Variants in TCERG1L observed in about 807,000 individuals in gnomAD.
TCERG1L encodes transcription elongation regulator 1 like.
Under a neutral mutation model 56.3 loss-of-function variants are expected in TCERG1L, and 37 were observed. The ratio of observed to expected loss-of-function variants is 0.66; its 90% CI spans 0.51 to 0.87. The LOEUF is 0.87. Ranked by LOEUF, TCERG1L falls within the 40% of genes least tolerant of loss-of-function variation. The pLI is 0.00. For missense variants in TCERG1L, 799 were observed against 774.2 expected (o/e 1.03, Z -0.38); for synonymous variants, 324 against 326.3 (o/e 0.99, Z 0.08).
chr10:131,285,477 A>G (rs865948416), intron 3 of TCERG1L, among the ~76,000 whole-genome samples: 2,785 of 19,928 alleles, frequency 0.14, 95 homozygotes, highest in African/African-American at 0.16. Context: ...AGAAAGAAAG[A>G]AAGAAAGAAA....
Position 131,103,092 on chromosome 10 carries a change from C to T in TCERG1L, c.1485+1173G>A, listed in dbSNP as rs1341516467. Among the ~76,000 whole-genome samples the T allele has an allele frequency of 6.6e-6, 1 of 151,828 alleles. No homozygotes were observed. The highest frequency in any genetic ancestry group is 1.5e-5 in the Non-Finnish European group (1 of 68,008). On this transcript the variant is annotated intron_variant, in intron 10 of 11. Transcript: ENST00000368642. This position sits in a 1 kb window ranked among gnomAD's most constrained non-coding sequence, Gnocchi z 4.3. Reference sequence around the variant, plus strand: ...TGCTGCTAGTGTTCTCTGGACCACTCCTATTTCATCACTATTATTGTCAAC... The same window carrying T: ...TGCTGCTAGTGTTCTCTGGACCACTTCTATTTCATCACTATTATTGTCAAC...
chr10:131,120,229 A>G (rs1396073390), intron 8 of TCERG1L, among the ~76,000 whole-genome samples: 1 of 152,126 alleles, frequency 6.6e-6, no homozygotes, highest in Non-Finnish European at 1.5e-5. Flanking sequence ...TGTAAAGCTG[A>G]GGTTTTCTGA....
chr10:131,187,876 G>T (rs943291103), intron 4 of TCERG1L, among the ~76,000 whole-genome samples: 1 of 152,210 alleles, frequency 6.6e-6, no homozygotes, highest in Non-Finnish European at 1.5e-5. Context: ...CTGCAGAGGG[G>T]AGGGCTCCAT....
intron 4 of TCERG1L, among the ~76,000 whole-genome samples, chr10:131,245,328 G>T (rs1246325169): frequency 7.2e-5 from 11 of 152,196 alleles, no homozygotes; most frequent in Admixed American, 5.9e-4. Flanking sequence ...TACCTCTTTG[G>T]GGTTCTCTGA....
At chr10:131,216,962 T>A (rs1285542790) in intron 4 of TCERG1L, among the ~76,000 whole-genome samples, 1 of 152,168 alleles carries the variant, frequency 6.6e-6, no homozygotes, top group African/African-American at 2.4e-5. Context: ...TGGCCATGGC[T>A]CATCCCTTCT....
At chr10:131,207,387 G>A (rs1311298799) in intron 4 of TCERG1L, among the ~76,000 whole-genome samples, 1 of 152,182 alleles carries the variant, frequency 6.6e-6, no homozygotes, top group Non-Finnish European at 1.5e-5. Flanking sequence ...GAGGGAGCCT[G>A]CAGGGCCGGC....
At chr10:131,257,002 A>AAGGG (rs56047842) in intron 4 of TCERG1L, among the ~76,000 whole-genome samples, 1 of 115,938 alleles carries the variant, frequency 8.6e-6, no homozygotes, top group African/African-American at 3.2e-5. Context: ...GGAAAGAAAG[A>AAGGG]AAGAAAGAAA....
At chr10:131,224,113 C>T (rs1415614435) in intron 4 of TCERG1L, among the ~76,000 whole-genome samples, 2 of 152,076 alleles carry the variant, frequency 1.3e-5, no homozygotes, top group Non-Finnish European at 2.9e-5. Context: ...TGTCTCCTTT[C>T]CCCCTGACCC....
intron 3 of TCERG1L, among the ~76,000 whole-genome samples, chr10:131,291,813 C>T (rs1846631397): frequency 6.6e-6 from 1 of 151,532 alleles, no homozygotes; most frequent in African/African-American, 2.4e-5. Context: ...AGAATGTTGT[C>T]GTTTTCTCTG....
intron 4 of TCERG1L, among the ~76,000 whole-genome samples, chr10:131,238,431 C>T (rs1032988234): frequency 2.6e-5 from 4 of 152,280 alleles, no homozygotes; most frequent in African/African-American, 9.6e-5. Context: ...TACCCAGGAG[C>T]CAGCTGCAGG....
Position 131,118,655 on chromosome 10 carries a change from T to C in TCERG1L, c.1260-1721A>G, listed in dbSNP as rs1174882510. Among the ~76,000 whole-genome samples the C allele has an allele frequency of 6.6e-6, 1 of 152,136 alleles. No individual in the cohort carries two copies. The highest frequency in any genetic ancestry group is 1.5e-5 in the Non-Finnish European group (1 of 68,038). On this transcript the variant is annotated intron_variant, in intron 8 of 11. Coordinates refer to ENST00000368642, the MANE Select transcript of TCERG1L (RefSeq NM_174937.4). The surrounding 1 kb of genome is among the most constrained non-coding windows in gnomAD (Gnocchi z 4.2). ...AAACCCCCCGATCCCTGAGGTCTGC[T>C]CTTGGTAATTTTCCATCCACTGACC... is the stretch of plus-strand genomic sequence containing the variant.
chr10:131,309,834 C>G (rs1459611542), intron 1 of TCERG1L, among the ~76,000 whole-genome samples: 3 of 49,818 alleles, frequency 6.0e-5, no homozygotes, highest in Non-Finnish European at 1.0e-4. Context: ...GATTCTATGG[C>G]AAAAAAAAAA....
At chr10:131,150,630 C>CCTGG (rs1845853121) in intron 6 of TCERG1L, among the ~76,000 whole-genome samples, 1 of 152,130 alleles carries the variant, frequency 6.6e-6, no homozygotes, top group Non-Finnish European at 1.5e-5. Context: ...AGAGGATGAC[C>CCTGG]CATTTCCTGG....
chr10:131,292,802 G>T, intron 3 of TCERG1L, among the ~76,000 whole-genome samples: 1 of 149,960 alleles, frequency 6.7e-6, no homozygotes, highest in African/African-American at 2.5e-5. Context: ...TTTTTTTCAT[G>T]TAATGTGTTT....
At chr10:131,114,555 C>T (rs951281181) in intron 9 of TCERG1L, among the ~76,000 whole-genome samples, 3 of 152,022 alleles carry the variant, frequency 2.0e-5, no homozygotes, top group Admixed American at 6.5e-5. Context: ...TGTATAATAA[C>T]CTGGGAAGAA....
chr10:131,284,505 A>G (rs1015352503), intron 3 of TCERG1L, among the ~76,000 whole-genome samples: 3 of 152,106 alleles, frequency 2.0e-5, no homozygotes, highest in Admixed American at 6.5e-5. Context: ...GGAAGAAAAA[A>G]AAACAACACA....
chr10:131,126,644 A>G (rs1311239576), intron 8 of TCERG1L, among the ~76,000 whole-genome samples: 1 of 152,168 alleles, frequency 6.6e-6, no homozygotes, highest in Non-Finnish European at 1.5e-5. Flanking sequence ...AGGCTTCCCC[A>G]GCAATTAATT....
Position 131,311,700 on chromosome 10 carries a change from G to T in TCERG1L, c.-65C>A, listed in dbSNP as rs1199545475. 2.0e-5 allele frequency: 17 copies of T among 831,552 alleles called. No individual in the cohort carries two copies. The Admixed American group carries it at 8.7e-4, about 43-fold the overall frequency. 51.5% of individuals were successfully genotyped at this position (831,552 alleles called of 1,614,324 possible). On this transcript the variant is annotated 5_prime_UTR_variant, in exon 1 of 12. Coordinates refer to ENST00000368642, the MANE Select transcript of TCERG1L (RefSeq NM_174937.4). The surrounding 1 kb of genome is among the most constrained non-coding windows in gnomAD (Gnocchi z 4.0). ...GCGCCCGAGATGCTGGGCCGGCGGCGGCGCGGCTCCGGAGCGAACTCACTT... is the reference window on the plus strand; with the variant it reads ...GCGCCCGAGATGCTGGGCCGGCGGCTGCGCGGCTCCGGAGCGAACTCACTT...
chr10:131,235,239 G>A (rs1845900946), intron 4 of TCERG1L, among the ~76,000 whole-genome samples: 1 of 152,174 alleles, frequency 6.6e-6, no homozygotes, highest in Non-Finnish European at 1.5e-5. Flanking sequence ...GTTTTCTAAG[G>A]CAATTTCAAT....
Sources: gnomAD v4.1 joint callset for allele counts (sites outside exome capture counted in the v4.1 genomes callset) on GRCh38, gnomAD v4.1.1 for gene constraint, Gnocchi (gnomAD v3.1) non-coding constraint, MANE v1.5 for transcripts, NCBI Gene and HGNC (gene_info 2026-07-23, HGNC 2026-07-21) for gene names.